Variants in OR1S1 observed in about 807,000 individuals in gnomAD.
OR1S1 encodes the protein olfactory receptor 1S1.
For missense variants in OR1S1, 411 were observed against 367.5 expected, an observed-to-expected ratio of 1.12 and a Z score of -0.97; for synonymous variants, 156 against 143.9, an observed-to-expected ratio of 1.08 and a Z score of -0.60.
At chr11:58,215,266 T>C (rs1852920024) in exon 2 of OR1S1, 6 of 1,613,730 alleles carry the variant, frequency 3.7e-6, no homozygotes, top group Non-Finnish European at 5.1e-6. Flanking sequence ...CACACACCCT[T>C]CTGCTCATTC....
chr11:58,215,411 C>G, exon 2 of OR1S1: 1 of 1,614,050 alleles, frequency 6.2e-7, no homozygotes, highest in Non-Finnish European at 8.5e-7. Context: ...TATCATCTTC[C>G]CCTTTACACT....
At position 58,214,635 on chromosome 11, in the gene OR1S1, C is replaced by T. The variant is rs143989898; in HGVS notation, c.-55-94C>T. The T allele has an allele frequency of 0.013, 12,191 of 932,358 alleles. 988 individuals carry two copies. The East Asian group carries it at 0.2, about 15-fold the overall frequency. The allele number at this position is 932,358 out of a possible 1,614,324, so 57.8% of individuals were successfully genotyped here. Reference sequence around the variant, plus strand: ...TCCAAATCTCTGCACTGCTGAAATACTTCCTTATTAAGTAGCACTTCCACT... The same window carrying T: ...TCCAAATCTCTGCACTGCTGAAATATTTCCTTATTAAGTAGCACTTCCACT... On this transcript the variant is annotated intron_variant, in intron 1 of 1. Transcript: ENST00000641544.
intron 1 of OR1S1, among the ~76,000 whole-genome samples, chr11:58,214,487 C>T (rs1852891814): frequency 6.6e-6 from 1 of 152,190 alleles, no homozygotes; most frequent in Admixed American, 6.5e-5. Flanking sequence ...CTATGACCCT[C>T]AGTTTGCGGG....
At chr11:58,213,610 G>A (rs1267547245) in intron 1 of OR1S1, among the ~76,000 whole-genome samples, 1 of 152,140 alleles carries the variant, frequency 6.6e-6, no homozygotes, top group Non-Finnish European at 1.5e-5. Flanking sequence ...AGTCATTTTG[G>A]TCTTTCCTTC....
chr11:58,214,792 A>G, exon 2 of OR1S1: 1 of 1,614,022 alleles, frequency 6.2e-7, no homozygotes, highest in Non-Finnish European at 8.5e-7. Flanking sequence ...ATATGCATCA[A>G]GGAAACCAAA....
exon 2 of OR1S1, chr11:58,215,546 A>G: frequency 6.2e-7 from 1 of 1,614,102 alleles, no homozygotes; most frequent in Non-Finnish European, 8.5e-7. Flanking sequence ...CTACGGAACC[A>G]TTGTAGGCGT....
intron 1 of OR1S1, 142 bp from the exon 2 acceptor site, chr11:58,214,587 T>C (rs909292279): frequency 5.5e-5 from 35 of 641,466 alleles, no homozygotes; most frequent in Admixed American, 1.2e-4. Flanking sequence ...TTCGGCCATG[T>C]CCTGTCTTTT....
chr11:58,214,259 C>T (rs1049226567), intron 1 of OR1S1, among the ~76,000 whole-genome samples: 1 of 152,166 alleles, frequency 6.6e-6, no homozygotes, highest in South Asian at 2.1e-4. Context: ...TCTCCCCCGG[C>T]GTTAGTGGGA....
At chr11:58,213,403 G>T (rs1182000133) in intron 1 of OR1S1, among the ~76,000 whole-genome samples, 1 of 152,078 alleles carries the variant, frequency 6.6e-6, no homozygotes, top group African/African-American at 2.4e-5. Flanking sequence ...CCATTTCCAG[G>T]TATTAAAAAA....
Position 58,214,716 on chromosome 11 carries a change from G to C in OR1S1, c.-55-13G>C, listed in dbSNP as rs771725705. 6.2e-7 allele frequency: 1 copy of C among 1,600,920 alleles called. No individual in the cohort carries two copies. Among genetic ancestry groups the C allele is most frequent in the Non-Finnish European group, 8.5e-7 (1 of 1,171,780 alleles). On this transcript the variant is annotated splice_polypyrimidine_tract_variant and intron_variant, in intron 1 of 1. Transcript: ENST00000641544. ...CTTACTGCAATGGCTGCAGCCAAAT[G>C]ATACCATGTTAGGTTTTCTTGTAGG... is the stretch of plus-strand genomic sequence containing the variant.
exon 2 of OR1S1, chr11:58,215,826 G>T: frequency 7.1e-7 from 1 of 1,406,466 alleles, no homozygotes; most frequent in Non-Finnish European, 9.7e-7. Flanking sequence ...GAACTTGCAG[G>T]TATCTGTCTC....
chr11:58,214,314 C>A (rs776140141), intron 1 of OR1S1, among the ~76,000 whole-genome samples: 26 of 152,134 alleles, frequency 1.7e-4, no homozygotes, highest in Admixed American at 3.3e-4. Context: ...TGATTCCTAA[C>A]CCTCAGTTGT....
At chr11:58,215,492 G>A (rs1275102880) in exon 2 of OR1S1, 5 of 1,614,020 alleles carry the variant, frequency 3.1e-6, no homozygotes, top group Non-Finnish European at 4.2e-6. Flanking sequence ...AAAGTGGAAA[G>A]CCTTCTCCAC....
rs117250152 is a variant in OR1S1, at chr11:58,214,444, T to C, written c.-55-285T>C. Among the ~76,000 whole-genome samples, 1,238 of 152,344 alleles carry C rather than the reference T, an allele frequency of 8.1e-3. 11 individuals are homozygous for C. Among genetic ancestry groups the C allele is most frequent in the Non-Finnish European group, 0.013 (915 of 68,022 alleles). Reference sequence around the variant, plus strand: ...TTTTTAAGTTAATTCTGCAGGTGTATATAACATGTTTAGAATATAGGGTAT... The same window carrying C: ...TTTTTAAGTTAATTCTGCAGGTGTACATAACATGTTTAGAATATAGGGTAT... On this transcript the variant is annotated intron_variant, in intron 1 of 1. Coordinates refer to ENST00000641544, the Ensembl canonical transcript of OR1S1.
intron 1 of OR1S1, among the ~76,000 whole-genome samples, chr11:58,213,968 G>C (rs1254196338): frequency 1.3e-5 from 2 of 152,154 alleles, no homozygotes; most frequent in African/African-American, 4.8e-5. Flanking sequence ...ATAGCATCAC[G>C]TGTCCTATGG....
At chr11:58,213,711 G>T (rs568364724) in intron 1 of OR1S1, among the ~76,000 whole-genome samples, 11 of 152,326 alleles carry the variant, frequency 7.2e-5, no homozygotes, top group Admixed American at 2.6e-4. Context: ...CTAGCAGCTT[G>T]TGCCTTATAT....
exon 2 of OR1S1, chr11:58,215,477 C>A (rs749391797): frequency 1.2e-6 from 2 of 1,614,038 alleles, no homozygotes; most frequent in African/African-American, 2.7e-5. Flanking sequence ...ATCTTCCACA[C>A]AGGGAAAGTG....
intron 1 of OR1S1, among the ~76,000 whole-genome samples, 153 bp downstream of exon 1, chr11:58,212,990 A>G (rs113913672): frequency 3.9e-4 from 60 of 152,238 alleles, no homozygotes; most frequent in African/African-American, 1.2e-3. Flanking sequence ...TATTTAGCTC[A>G]TTTCAGTTTT....
intron 1 of OR1S1, among the ~76,000 whole-genome samples, chr11:58,213,338 C>A (rs1369268978): frequency 6.6e-6 from 1 of 152,154 alleles, no homozygotes; most frequent in Non-Finnish European, 1.5e-5. Context: ...TTGTGAGAGC[C>A]GTTTACCTTT....
Sources: allele counts gnomAD v4.1 joint callset (sites outside exome capture counted in the v4.1 genomes callset), GRCh38; gene constraint gnomAD v4.1.1; transcripts MANE v1.5; gene names NCBI Gene and HGNC (gene_info 2026-07-23, HGNC 2026-07-21).